NOS1: variants seen among roughly 807,000 people sequenced by gnomAD.
NOS1 encodes the protein NOS type I.
Under a neutral mutation model 164.5 loss-of-function variants are expected in NOS1, and 51 were observed. That is an observed-to-expected ratio of 0.31 (90% CI 0.25 to 0.39). NOS1 has a LOEUF of 0.39. Ranked by LOEUF, NOS1 falls within the 10% of genes least tolerant of loss-of-function variation. NOS1 has a pLI of 1.00. For missense variants in NOS1, 1,362 were observed against 1,885.6 expected (o/e 0.72, Z 5.14); for synonymous variants, 719 against 745.8 (o/e 0.96, Z 0.59).
In NOS1 at chr12:117,212,729, A is replaced by T. The variant is rs1025094886; in HGVS notation, c.*2580T>A. 5.1e-6 allele frequency: 5 copies of T among 985,308 alleles called. No homozygotes were observed. In the Admixed American group the frequency reaches 2.5e-4, roughly 48 times the overall value. The allele number at this position is 985,308 out of a possible 1,614,324, so 61.0% of individuals were successfully genotyped here. A position where few individuals can be genotyped will look rare whatever the true frequency, so the allele number is the denominator to read the frequency against. ...CATTGCTTAATTCTATTTTGCACTT[A>T]AACGGTTGGCTACGAGGCCTGGATG... On this transcript the variant is annotated 3_prime_UTR_variant, in exon 29 of 29. Transcript: ENST00000317775.
rs1305911589 is a variant in NOS1 at position 117,359,874 on chromosome 12, TTTTATATATATATATATATATA to T, written c.-421+1616_-421+1637del. On this transcript the variant is annotated intron_variant, in intron 1 of 28. Transcript: ENST00000317775. The stretch of plus-strand genomic sequence containing the variant: ...CGGTCCCAGAGCATTACAATAATGG[TTTTATATATATATATATATATA>T]TATATATATATATATATATATATAT... 4.8e-3 allele frequency among the ~76,000 whole-genome samples: 212 copies of T among 44,202 alleles called. 9 individuals are homozygous for T. The highest frequency in any genetic ancestry group is 0.013 in the East Asian group (19 of 1,464). The allele number at this position is 44,202 out of a possible 152,430, so 29.0% of individuals were successfully genotyped here.
Position 117,234,739 on chromosome 12 carries a change from G to A in NOS1, c.3061C>T (p.Arg1021Cys), listed in dbSNP as rs375069851. Residue 1021 changes from arginine (R) to cysteine (C), a missense_variant, in exon 21 of 29, where the codon CGT becomes TGT. Physicochemically the swap from Arg to Cys is radical, Grantham distance 180. This residue lies in a region of NOS1 where 737 missense variants were observed against 1,030.3 expected (regional missense o/e 0.72). Transcript: ENST00000317775. This position sits in a 1 kb window ranked among gnomAD's most constrained non-coding sequence, Gnocchi z 4.3. ...PKSSRSTIFVRLHTNGSQELQ... is the reference protein window; with the variant it reads ...PKSSRSTIFVCLHTNGSQELQ... ...TCCTGGCTCCCGTTGGTGTGGAGAC[G>A]CACGAAGATAGTTGACCGACTGCAG... 71 of 1,611,304 alleles carry A rather than the reference G, an allele frequency of 4.4e-5. 1 individual carries two copies. The highest frequency in any genetic ancestry group is 5.5e-5 in the South Asian group (5 of 90,870).
At chr12:117,350,305 G>A (rs552807611) in intron 1 of NOS1, among the ~76,000 whole-genome samples, 1 of 152,104 alleles carries the variant, frequency 6.6e-6, no homozygotes, top group African/African-American at 2.4e-5. Context: ...ACGTGCTCAC[G>A]GACAATGCAG....
At chr12:117,222,628 G>T in intron 26 of NOS1, 87 bp downstream of exon 26, 1 of 1,266,816 alleles carries the variant, frequency 7.9e-7, no homozygotes, top group Non-Finnish European at 1.1e-6. Flanking sequence ...GGAAGCTTAA[G>T]AGTGAGGGTG....
At position 117,265,400 on chromosome 12, in the gene NOS1, G is replaced by T; in HGVS notation, c.2052C>A (p.Ile684=). The change falls in exon 12 of 29, where the codon ATC becomes ATA. Residue 684 remains isoleucine (I), a synonymous_variant. Coordinates refer to ENST00000317775, the MANE Select transcript of NOS1 (RefSeq NM_000620.5). ...TGATGCTTCCGGACATGGGGGGCAC[G>T]ATCCACACCCAGTCGGCAGGGCAGC... ...RGGCPADWVW[I]VPPMSGSITP... 6.3e-7 allele frequency: 1 copy of T among 1,595,640 alleles called. No individual in the cohort carries two copies. Among genetic ancestry groups the T allele is most frequent in the Non-Finnish European group, 8.5e-7 (1 of 1,171,064 alleles).
In NOS1 at chr12:117,265,486, G is replaced by T; in HGVS notation, c.1966C>A (p.His656Asn). 1.3e-6 allele frequency: 2 copies of T among 1,558,200 alleles called. No individual in the cohort carries two copies. The highest frequency in any genetic ancestry group is 1.2e-5 in the South Asian group (1 of 80,866). Residue 656 changes from histidine (H) to asparagine (N), a missense_variant, in exon 12 of 29, where the codon CAT (histidine) becomes AAT (asparagine). Around this residue, in one of 4 missense-constraint regions of NOS1, gnomAD observed 737 missense variants for 1,030.3 expected, o/e 0.72. Transcript: ENST00000317775. ...ATGAAGGACTCGGTGGCGGAGTGAT[G>T]GTCAACAATGGTCACTTTGTCACTC... is the stretch of plus-strand genomic sequence containing the variant. ...FQSDKVTIVDHHSATESFIKH... is the reference protein window; with the variant it reads ...FQSDKVTIVDNHSATESFIKH...
At chr12:117,237,512 A>G (rs936143169) in intron 20 of NOS1, among the ~76,000 whole-genome samples, 1 of 152,144 alleles carries the variant, frequency 6.6e-6, no homozygotes, top group African/African-American at 2.4e-5. Context: ...GCAATGGAAC[A>G]GCAGCAGCCA....
At chr12:117,271,046 A>G (rs1007797183) in intron 10 of NOS1, among the ~76,000 whole-genome samples, 28 of 151,744 alleles carry the variant, frequency 1.8e-4, no homozygotes, top group African/African-American at 6.1e-4. Flanking sequence ...CCATTCCCCT[A>G]CCCACCCCTC....
At chr12:117,287,461 G>A (rs1165786104) in intron 5 of NOS1, among the ~76,000 whole-genome samples, 1 of 151,052 alleles carries the variant, frequency 6.6e-6, no homozygotes, top group East Asian at 2.0e-4. Flanking sequence ...TTTTTGAGAT[G>A]GAGTCTCGCT....
intron 1 of NOS1, among the ~76,000 whole-genome samples, chr12:117,359,383 A>G (rs1010193406): frequency 6.6e-6 from 1 of 151,996 alleles, no homozygotes; most frequent in Non-Finnish European, 1.5e-5. Context: ...CGGGGGAAAA[A>G]ATCTATGCTC....
At chr12:117,241,069 AG>A (rs1475242749) in intron 20 of NOS1, among the ~76,000 whole-genome samples, 1 of 150,954 alleles carries the variant, frequency 6.6e-6, no homozygotes, top group Admixed American at 6.6e-5. Flanking sequence ...CCTCCTGAGT[AG>A]CTGGGATTAT....
chr12:117,225,829 A>G (rs1259833749), intron 24 of NOS1, among the ~76,000 whole-genome samples: 1 of 152,086 alleles, frequency 6.6e-6, no homozygotes, highest in Non-Finnish European at 1.5e-5. Flanking sequence ...GGGTTTCGCC[A>G]TGTTGGCCAG....
chr12:117,218,308 G>A (rs1019171609), intron 27 of NOS1, 144 bp from the exon 28 acceptor site: 19 of 704,882 alleles, frequency 2.7e-5, no homozygotes, highest in Non-Finnish European at 4.8e-5. Context: ...GTGTCCCCGA[G>A]GTACCTTTGA....
chr12:117,212,556 T>C lies in NOS1; in HGVS notation c.*2753A>G, dbSNP rs1956545278. The C allele has an allele frequency of 1.0e-6, 1 of 985,440 alleles. No homozygotes were observed. The highest frequency in any genetic ancestry group is 1.2e-6 in the Non-Finnish European group (1 of 829,934). The allele number at this position is 985,440 out of a possible 1,614,324, so 61.0% of individuals were successfully genotyped here. A position where few individuals can be genotyped will look rare whatever the true frequency, so the allele number is the denominator to read the frequency against. On this transcript the variant is annotated 3_prime_UTR_variant, in exon 29 of 29. Coordinates refer to ENST00000317775, the MANE Select transcript of NOS1 (RefSeq NM_000620.5). The stretch of plus-strand genomic sequence containing the variant: ...GAGCATGATGTTCCGGTGTTCCTAT[T>C]TCAGGAGACGTCTCATTCCTCCTGG...
In NOS1 at chr12:117,211,259, G is replaced by A; in HGVS notation, c.*4050C>T. On this transcript the variant is annotated 3_prime_UTR_variant, in exon 29 of 29. Transcript: ENST00000317775. Reference sequence around the variant, plus strand: ...AGACATGAGCTACCGCGCCCAGCCTGCAAGATGCTTTAATTTCTCCTTTAT... The same window carrying A: ...AGACATGAGCTACCGCGCCCAGCCTACAAGATGCTTTAATTTCTCCTTTAT... 1.0e-6 allele frequency: 1 copy of A among 985,258 alleles called. No homozygotes were observed. Among genetic ancestry groups the A allele is most frequent in the Non-Finnish European group, 1.2e-6 (1 of 829,952 alleles). 61.0% of individuals were successfully genotyped at this position (985,258 alleles called of 1,614,324 possible).
At chr12:117,314,563 A>G (rs931390274) in intron 2 of NOS1, among the ~76,000 whole-genome samples, 2 of 152,164 alleles carry the variant, frequency 1.3e-5, no homozygotes, top group Admixed American at 1.3e-4. Flanking sequence ...CATATAGTAC[A>G]GCTGGGATTT....
chr12:117,353,444 G>C (rs138310736), intron 1 of NOS1, among the ~76,000 whole-genome samples: 55 of 152,312 alleles, frequency 3.6e-4, no homozygotes, highest in African/African-American at 1.3e-3. Flanking sequence ...CTTCAGCGTA[G>C]AGACAGACTC....
chr12:117,287,446 GT>G (rs908841837), intron 5 of NOS1, among the ~76,000 whole-genome samples: 3 of 149,698 alleles, frequency 2.0e-5, no homozygotes, highest in Admixed American at 6.7e-5. Flanking sequence ...TCTTTCTTTT[GT>G]TTTTTTTTGA....
intron 3 of NOS1, among the ~76,000 whole-genome samples, chr12:117,306,720 A>T (rs1360285153): frequency 2.0e-5 from 3 of 151,920 alleles, no homozygotes; most frequent in Non-Finnish European, 4.4e-5. Context: ...CCCAGGTTCA[A>T]GCAATTCTCC....
Sources: allele counts gnomAD v4.1 joint callset (sites outside exome capture counted in the v4.1 genomes callset), GRCh38; gene constraint gnomAD v4.1.1; regional missense constraint gnomAD v4.1.1; non-coding constraint Gnocchi (gnomAD v3.1); transcripts MANE v1.5; gene names NCBI Gene and HGNC (gene_info 2026-07-23, HGNC 2026-07-21).